Variants in RBM5 observed in about 807,000 individuals in gnomAD.
RBM5 encodes the protein RNA-binding protein 5.
Under a neutral mutation model 124.6 loss-of-function variants are expected in RBM5, and 15 were observed. The observed-to-expected ratio is 0.12, with a 90% CI of 0.08 to 0.19. RBM5 has a LOEUF of 0.19. RBM5 is among the 10% of genes least tolerant of loss of function. The pLI, the probability that RBM5 is intolerant of heterozygous loss-of-function variation, is 1.00. For missense variants in RBM5, 580 were observed against 1,026.5 expected, an observed-to-expected ratio of 0.57 and a Z score of 5.94; for synonymous variants, 337 against 361.2, an observed-to-expected ratio of 0.93 and a Z score of 0.76.
intron 18 of RBM5, 69 bp downstream of exon 18, chr3:50,113,613 T>C: frequency 6.2e-6 from 9 of 1,455,280 alleles, no homozygotes; most frequent in Non-Finnish European, 6.5e-6. Context: ...GGTTGTAGCA[T>C]TTATGTCAGT....
intron 17 of RBM5, among the ~76,000 whole-genome samples, chr3:50,111,794 A>G (rs1476011683): frequency 6.6e-6 from 1 of 152,178 alleles, no homozygotes; most frequent in Non-Finnish European, 1.5e-5. Context: ...GTATGGAGTG[A>G]TGTTTTATTT....
At position 50,116,292 on chromosome 3, in the gene RBM5, G is replaced by A; in HGVS notation, c.2094+312G>A. The A allele has an allele frequency of 1.3e-5, 4 of 300,634 alleles. No homozygotes were observed. In the South Asian group the frequency reaches 2.0e-4, roughly 15 times the overall value. The allele number at this position is 300,634 out of a possible 1,614,324, so 18.6% of individuals were successfully genotyped here. ...GAGTGGTCTAGTTTGGCCTGGCCAG[G>A]GAAGCCTTCATGGGCAAAGAAGTGC... On this transcript the variant is annotated intron_variant, in intron 22 of 24. Coordinates refer to ENST00000347869, the MANE Select transcript of RBM5 (RefSeq NM_005778.4).
intron 1 of RBM5, chr3:50,090,025 C>T (rs762049211): frequency 3.4e-5 from 6 of 175,444 alleles, no homozygotes; most frequent in Non-Finnish European, 6.2e-5. Context: ...TCAACTATCC[C>T]ACGGAGTTGC....
chr3:50,095,268 T>C (rs2090790068), intron 4 of RBM5, among the ~76,000 whole-genome samples: 1 of 152,224 alleles, frequency 6.6e-6, no homozygotes, highest in Admixed American at 6.5e-5. Flanking sequence ...TCTAAATGTC[T>C]TTAACCACAG....
chr3:50,092,993 C>A, intron 3 of RBM5: 1 of 191,084 alleles, frequency 5.2e-6, no homozygotes, highest in Non-Finnish European at 9.9e-6. Context: ...TTAGTCTTGT[C>A]ACCCAGGCTG....
At chr3:50,112,285 G>A (rs1033449874) in intron 17 of RBM5, among the ~76,000 whole-genome samples, 39 of 149,918 alleles carry the variant, frequency 2.6e-4, no homozygotes, top group Non-Finnish European at 4.6e-4. Context: ...GCGTGGTGTC[G>A]AATGCCTGTA....
chr3:50,117,504 C>G lies in RBM5; in HGVS notation c.2322+125C>G. On this transcript the variant is annotated intron_variant, in intron 24 of 24. Transcript: ENST00000347869. This position sits in a 1 kb window ranked among gnomAD's most constrained non-coding sequence, Gnocchi z 4.2. ...TACCTTAGCATGAAGGGGCAGATTACAGGCATGAGCTCACACCTGTAATCC... is the reference window on the plus strand; with the variant it reads ...TACCTTAGCATGAAGGGGCAGATTAGAGGCATGAGCTCACACCTGTAATCC... 3.0e-6 allele frequency: 4 copies of G among 1,335,230 alleles called. No homozygotes were observed. The South Asian group carries it at 4.1e-5, about 14-fold the overall frequency. The allele number at this position is 1,335,230 out of a possible 1,614,324, so 82.7% of individuals were successfully genotyped here.
chr3:50,114,843 A>C (rs2091214056), intron 20 of RBM5: 1 of 148,622 alleles, frequency 6.7e-6, no homozygotes, highest in Admixed American at 6.7e-5. Context: ...CTGGGCAGTG[A>C]GCAAGACCCT....
intron 9 of RBM5, 148 bp from the exon 10 acceptor site, chr3:50,105,401 G>A (rs1373026673): frequency 4.3e-6 from 4 of 932,890 alleles, no homozygotes; most frequent in Non-Finnish European, 6.4e-6. Flanking sequence ...TTAAAAGACA[G>A]GATTTTTAGA....
intron 10 of RBM5, among the ~76,000 whole-genome samples, chr3:50,106,118 A>ATTTTTTTTTTTTTTTTTTTTTTTTT (rs61297967): frequency 3.1e-5 from 1 of 32,758 alleles, no homozygotes; most frequent in African/African-American, 9.5e-5. Context: ...ACGCCCAGCT[A>ATTTTTTTTTTTTTTTTTTTTTTTTT]TTTTTTTTTT....
At chr3:50,108,347 AC>A in intron 14 of RBM5, 43 bp downstream of exon 14, 1 of 1,498,176 alleles carries the variant, frequency 6.7e-7, no homozygotes, top group Non-Finnish European at 9.3e-7. Context: ...TTAAGCACTT[AC>A]AGTTGAAGAA....
chr3:50,096,500 A>G (rs1176709616), intron 4 of RBM5, among the ~76,000 whole-genome samples: 2 of 152,122 alleles, frequency 1.3e-5, no homozygotes, highest in African/African-American at 4.8e-5. Context: ...AAAGAGGGTC[A>G]TGTCGGAAAA....
In RBM5 at chr3:50,100,297, T is replaced by C. The variant is rs1242448644; in HGVS notation, c.410-235T>C. 2.7e-5 allele frequency: 15 copies of C among 550,076 alleles called. No individual in the cohort carries two copies. Among genetic ancestry groups the C allele is most frequent in the Non-Finnish European group, 4.8e-5 (15 of 313,758 alleles). 34.1% of individuals were successfully genotyped at this position (550,076 alleles called of 1,614,324 possible). ...ATAAACTCCTTTTTTTTTTTGACTA[T>C]AGTCGGTTGCATGGTTACTTTAAGC... is the stretch of plus-strand genomic sequence containing the variant. On this transcript the variant is annotated intron_variant, in intron 5 of 24. Transcript: ENST00000347869. This position sits in a 1 kb window ranked among gnomAD's most constrained non-coding sequence, Gnocchi z 5.1.
intron 8 of RBM5, 78 bp from the exon 9 acceptor site, chr3:50,104,999 C>G: frequency 8.9e-7 from 1 of 1,128,020 alleles, no homozygotes; most frequent in Non-Finnish European, 1.3e-6. Flanking sequence ...AAAATAAAAA[C>G]TTGTGGGGAT....
chr3:50,118,969 C>T lies in RBM5; in HGVS notation c.*513C>T, dbSNP rs1004824599. 6.5e-6 allele frequency: 1 copy of T among 153,758 alleles called. No individual in the cohort carries two copies. The highest frequency in any genetic ancestry group is 6.4e-5 in the Admixed American group (1 of 15,580). 9.5% of individuals were successfully genotyped at this position (153,758 alleles called of 1,614,324 possible). Reference sequence around the variant, plus strand: ...AGAAATACCTTGAGAAATGGGTGTCCTGTGTCTCTTTATTCTTGGGTGGGT... The same window carrying T: ...AGAAATACCTTGAGAAATGGGTGTCTTGTGTCTCTTTATTCTTGGGTGGGT... On this transcript the variant is annotated 3_prime_UTR_variant, in exon 25 of 25. Transcript: ENST00000347869.
Position 50,107,500 on chromosome 3 carries a change from T to A in RBM5, c.972T>A (p.Asp324Glu). 2.5e-6 allele frequency: 4 copies of A among 1,605,212 alleles called. No homozygotes were observed. The highest frequency in any genetic ancestry group is 3.4e-6 in the Non-Finnish European group (4 of 1,172,102). ...KSARKDLVLS[D>E]GNRVSAFSVA... Reference sequence around the variant, plus strand: ...GTTTCAGAGACTTGGTCCTCTCAGATGGTAACCGCGTCAGCGCTTTCTCTG... The same window carrying A: ...GTTTCAGAGACTTGGTCCTCTCAGAAGGTAACCGCGTCAGCGCTTTCTCTG... Residue 324 changes from aspartate (D) to glutamate (E), a missense_variant, in exon 12 of 25, where the codon GAT (aspartate) becomes GAA (glutamate). Physicochemically the swap from Asp to Glu is conservative, Grantham distance 45 (BLOSUM62 2). Around this residue, in one of 6 missense-constraint regions of RBM5, gnomAD observed 42 missense variants for 101.1 expected, o/e 0.42. Transcript: ENST00000347869.
intron 1 of RBM5, 138 bp from the exon 2 acceptor site, chr3:50,090,244 C>G: frequency 1.7e-6 from 1 of 573,188 alleles, no homozygotes. Flanking sequence ...TTGTCCCCAC[C>G]ACTTCCCCAC....
rs776910364 is a variant in RBM5 at position 50,093,843 on chromosome 3, C to T, written c.307C>T (p.Arg103Cys). 1 of 1,612,912 alleles carries T rather than the reference C, an allele frequency of 6.2e-7. No homozygotes were observed. The highest frequency in any genetic ancestry group is 1.7e-5 in the Admixed American group (1 of 60,010). The change falls in exon 4 of 25, where the codon CGC becomes TGC. Residue 103 changes from arginine (R) to cysteine (C), a missense_variant. Physicochemically the swap from Arg to Cys is radical, Grantham distance 180. Transcript: ENST00000347869. ...DERESKTIML[R>C]GLPITITESD... The stretch of plus-strand genomic sequence containing the variant: ...GAGGGAGAGCAAGACCATCATGCTG[C>T]GCGGCCTTCCCATCACCATCACAGA...
rs373206032 is a variant in RBM5, at chr3:50,111,677, T to C, written c.1455+907T>C. Among the ~76,000 whole-genome samples the C allele has an allele frequency of 1.2e-4, 18 of 152,306 alleles. No individual in the cohort carries two copies. The East Asian group carries it at 2.3e-3, about 20-fold the overall frequency. ...GCATGAGCCACTGTGCCCAGCCCTCTGTTCTTGACATTTCATATAAGTGGA... is the reference window on the plus strand; with the variant it reads ...GCATGAGCCACTGTGCCCAGCCCTCCGTTCTTGACATTTCATATAAGTGGA... On this transcript the variant is annotated intron_variant, in intron 17 of 24. Transcript: ENST00000347869.
Sources: allele counts gnomAD v4.1 joint callset (sites outside exome capture counted in the v4.1 genomes callset), GRCh38; gene constraint gnomAD v4.1.1; regional missense constraint gnomAD v4.1.1; non-coding constraint Gnocchi (gnomAD v3.1); transcripts MANE v1.5; gene names NCBI Gene and HGNC (gene_info 2026-07-23, HGNC 2026-07-21).